Variants in DZIP1L observed in about 807,000 individuals in gnomAD.
The protein encoded by DZIP1L is cilium assembly protein DZIP1L.
Under a neutral mutation model 88.7 loss-of-function variants are expected in DZIP1L, and 90 were observed. The observed-to-expected ratio is 1.02, with a 90% CI of 0.86 to 1.21. The LOEUF is 1.21. DZIP1L is among the 50% of genes most tolerant of loss of function. The pLI, the probability that DZIP1L is intolerant of heterozygous loss-of-function variation, is 0.00. For synonymous variants in DZIP1L, 363 were observed against 372.1 expected, an observed-to-expected ratio of 0.98 and a Z score of 0.28; for missense variants, 932 against 955.8, an observed-to-expected ratio of 0.98 and a Z score of 0.33.
chr3:138,100,586 T>C (rs967087157), intron 2 of DZIP1L, among the ~76,000 whole-genome samples: 4 of 152,192 alleles, frequency 2.6e-5, no homozygotes, highest in Admixed American at 6.5e-5. Flanking sequence ...ACTGATCCCT[T>C]AACTCATGGG....
At chr3:138,087,437 A>C (rs2622716) in intron 6 of DZIP1L, among the ~76,000 whole-genome samples, 94,000 of 152,156 alleles carry the variant, frequency 0.62, 30,193 homozygotes, top group Non-Finnish European at 0.71. Context: ...CATAAACATT[A>C]ATTCTTTGTT....
rs1248516032 is a variant in DZIP1L at position 138,071,699 on chromosome 3, G to T, written c.1559C>A (p.Ala520Glu). ...GKLVKEVTSR[A>E]KERQENGAVV... is the part of the protein sequence containing the mutation. ...AGCGCCATTCTCCTGTCTCTCCTTC[G>T]CTCTGCTGGTGACTTCCTTGACAAG... The change falls in exon 12 of 16, where the codon GCG becomes GAG. Residue 520 changes from alanine (A) to glutamate (E), a missense_variant. Physicochemically the swap from Ala to Glu is moderately radical, Grantham distance 107. Coordinates refer to ENST00000327532, the MANE Select transcript of DZIP1L (RefSeq NM_173543.3). 5.6e-6 allele frequency: 9 copies of T among 1,614,072 alleles called. No individual in the cohort carries two copies. Among genetic ancestry groups the T allele is most frequent in the Non-Finnish European group, 7.6e-6 (9 of 1,180,040 alleles).
intron 11 of DZIP1L, among the ~76,000 whole-genome samples, chr3:138,074,223 A>C (rs562790948): frequency 6.6e-4 from 100 of 152,354 alleles, no homozygotes; most frequent in Admixed American, 1.8e-3. Context: ...TGAGAAATTC[A>C]TTGCAAAAAG....
intron 2 of DZIP1L, 29 bp from the exon 3 acceptor site, chr3:138,097,876 C>T: frequency 1.3e-6 from 2 of 1,588,380 alleles, no homozygotes; most frequent in Non-Finnish European, 8.6e-7. Flanking sequence ...ATGGGGAGTA[C>T]AAGATTAGGT....
intron 5 of DZIP1L, among the ~76,000 whole-genome samples, chr3:138,090,391 C>T (rs897670465): frequency 3.9e-5 from 6 of 152,110 alleles, no homozygotes; most frequent in Admixed American, 6.5e-5. Context: ...AGCACTGCGT[C>T]GGGGAAGTGT....
intron 1 of DZIP1L, among the ~76,000 whole-genome samples, chr3:138,104,838 G>A (rs1481918653): frequency 6.6e-6 from 1 of 152,132 alleles, no homozygotes; most frequent in Non-Finnish European, 1.5e-5. Context: ...CTCTTGGTGA[G>A]CATATGAACT....
intron 5 of DZIP1L, among the ~76,000 whole-genome samples, chr3:138,090,560 G>T (rs1944163275): frequency 6.6e-6 from 1 of 152,088 alleles, no homozygotes; most frequent in Non-Finnish European, 1.5e-5. Flanking sequence ...ATTTTAGGGA[G>T]CCCCCATCCC....
In DZIP1L at chr3:138,065,665, C is replaced by A. The variant is rs549281850; in HGVS notation, c.2003-898G>T. ...GATGGACTGGCAGGCTTGGCTTATG[C>A]TGTAAACATGGCCAAGTACTGCAGA... On this transcript the variant is annotated intron_variant, in intron 14 of 15. Transcript: ENST00000327532. 5.2e-4 allele frequency among the ~76,000 whole-genome samples: 79 copies of A among 152,336 alleles called. 1 individual carries two copies. Among genetic ancestry groups the A allele is most frequent in the African/African-American group, 1.9e-3 (78 of 41,576 alleles).
intron 2 of DZIP1L, among the ~76,000 whole-genome samples, chr3:138,098,152 T>C (rs1944566060): frequency 6.6e-6 from 1 of 152,186 alleles, no homozygotes; most frequent in Non-Finnish European, 1.5e-5. Flanking sequence ...AGAGTCTTTC[T>C]CTTTTAGAGA....
chr3:138,097,486 G>A (rs944608236), intron 3 of DZIP1L, among the ~76,000 whole-genome samples: 1 of 152,170 alleles, frequency 6.6e-6, no homozygotes, highest in Non-Finnish European at 1.5e-5. Context: ...GAGACACAAA[G>A]GGGAAAGCAT....
intron 8 of DZIP1L, among the ~76,000 whole-genome samples, chr3:138,083,622 AG>A (rs1943775054): frequency 6.6e-6 from 1 of 152,258 alleles, no homozygotes; most frequent in East Asian, 1.9e-4. Flanking sequence ...GTACTGGTTA[AG>A]GAATTCTGCC....
intron 1 of DZIP1L, among the ~76,000 whole-genome samples, chr3:138,111,200 T>C (rs1420453249): frequency 2.6e-5 from 4 of 152,342 alleles, no homozygotes; most frequent in African/African-American, 9.6e-5. Flanking sequence ...AATCTCAGCA[T>C]ATCTGACTTA....
At chr3:138,080,723 A>C (rs1576456404) in intron 9 of DZIP1L, 103 bp from the exon 10 acceptor site, 2 of 1,208,020 alleles carry the variant, frequency 1.7e-6, no homozygotes, top group Non-Finnish European at 2.4e-6. Context: ...GAAAGAGAAA[A>C]CCCTCCAGTC....
chr3:138,065,411 C>T (rs1942850573), intron 14 of DZIP1L, among the ~76,000 whole-genome samples: 2 of 152,210 alleles, frequency 1.3e-5, no homozygotes, highest in South Asian at 2.1e-4. Flanking sequence ...TAAGGGCCTA[C>T]GATGTAGCAG....
At chr3:138,085,624 T>C (rs1173794976) in intron 7 of DZIP1L, among the ~76,000 whole-genome samples, 1 of 152,146 alleles carries the variant, frequency 6.6e-6, no homozygotes, top group Non-Finnish European at 1.5e-5. Context: ...CTGGAGAGGA[T>C]GTGGAGAAAT....
chr3:138,071,632 C>A lies in DZIP1L; in HGVS notation c.1615+11G>T, dbSNP rs774066560. ...GGTCACAGCCCTGAGCAAGCCCTCTCCCCAGTGTACCTGAAGGCTGCCCGT... is the reference window on the plus strand; with the variant it reads ...GGTCACAGCCCTGAGCAAGCCCTCTACCCAGTGTACCTGAAGGCTGCCCGT... On this transcript the variant is annotated intron_variant, in intron 12 of 15. Coordinates refer to ENST00000327532, the MANE Select transcript of DZIP1L (RefSeq NM_173543.3). The A allele has an allele frequency of 2.5e-6, 4 of 1,609,078 alleles. No homozygotes were observed. Among genetic ancestry groups the A allele is most frequent in the Non-Finnish European group, 3.4e-6 (4 of 1,177,166 alleles).
chr3:138,102,217 C>T, intron 2 of DZIP1L: 1 of 1,394,698 alleles, frequency 7.2e-7, no homozygotes, highest in Non-Finnish European at 1.0e-6. Context: ...GACTGCAGCT[C>T]CCGGATCTCC....
In DZIP1L at chr3:138,103,698, G is replaced by T; in HGVS notation, c.274C>A (p.Leu92Ile). 1 of 1,612,396 alleles carries T rather than the reference G, an allele frequency of 6.2e-7. No individual in the cohort carries two copies. The change falls in exon 2 of 16, where the codon CTC becomes ATC. Residue 92 changes from leucine (L) to isoleucine (I), a missense_variant. Physicochemically the swap from Leu to Ile is conservative, Grantham distance 5 (BLOSUM62 2). Coordinates refer to ENST00000327532, the MANE Select transcript of DZIP1L (RefSeq NM_173543.3). ...CAGTGCAGCAGGTACTCAATGATGA[G>T]CTGCGCCAGGCGCAGCACCTTGAGC... The part of the protein sequence containing the change: ...ALLKVLRLAQ[L>I]IIEYLLHCQD...
In DZIP1L at chr3:138,077,539, T is replaced by C; in HGVS notation, c.1382A>G (p.Asp461Gly). 2 of 1,614,210 alleles carry C rather than the reference T, an allele frequency of 1.2e-6. No individual in the cohort carries two copies. Among genetic ancestry groups the C allele is most frequent in the Non-Finnish European group, 1.7e-6 (2 of 1,180,036 alleles). Residue 461 changes from aspartate (D) to glycine (G), a missense_variant, in exon 11 of 16, where the codon GAC becomes GGC. Coordinates refer to ENST00000327532, the MANE Select transcript of DZIP1L (RefSeq NM_173543.3). The part of the protein sequence containing the change: ...LLKHFRPILE[D>G]TLEEKLESMG... Reference sequence around the variant, plus strand: ...GCTTTCGAGCTTCTCTTCCAGGGTGTCCTCCAGGATTGGTCTGAAGTGCTT... The same window carrying C: ...GCTTTCGAGCTTCTCTTCCAGGGTGCCCTCCAGGATTGGTCTGAAGTGCTT...
Sources: gnomAD v4.1 joint callset for allele counts (sites outside exome capture counted in the v4.1 genomes callset) on GRCh38, gnomAD v4.1.1 for gene constraint, MANE v1.5 for transcripts, NCBI Gene and HGNC (gene_info 2026-07-23, HGNC 2026-07-21) for gene names.